Variants in RSU1 observed in about 807,000 individuals in gnomAD.
RSU1 encodes Ras suppressor protein 1.
A neutral mutation model predicts 31.1 loss-of-function variants in RSU1; 26 were observed. The observed-to-expected ratio is 0.84, with a 90% CI of 0.61 to 1.16. The LOEUF (loss-of-function observed/expected upper bound fraction) is 1.16. Among genes scored for constraint, RSU1 ranks in the 50% most tolerant of loss-of-function variants. The probability of loss-of-function intolerance (pLI) is 0.00; values close to 1 mark genes in which losing one functional copy is unlikely to be tolerated. For synonymous variants in RSU1, 164 were observed against 136.3 expected, an observed-to-expected ratio of 1.20 and a Z score of -1.41; for missense variants, 320 against 339.1, an observed-to-expected ratio of 0.94 and a Z score of 0.44.
intron 7 of RSU1, among the ~76,000 whole-genome samples, chr10:16,696,549 G>A (rs946223999): frequency 4.6e-5 from 7 of 152,106 alleles, no homozygotes; most frequent in African/African-American, 1.2e-4. Flanking sequence ...TAAATATCAA[G>A]AGAGAGTAAT....
At chr10:16,816,228 T>C (rs1254573931) in intron 2 of RSU1, among the ~76,000 whole-genome samples, 2 of 152,100 alleles carry the variant, frequency 1.3e-5, no homozygotes, top group African/African-American at 4.8e-5. Flanking sequence ...TGGGCCAACA[T>C]TCCTATGGTG....
intron 8 of RSU1, among the ~76,000 whole-genome samples, chr10:16,600,145 G>A (rs1027427733): frequency 6.6e-6 from 1 of 152,140 alleles, no homozygotes; most frequent in African/African-American, 2.4e-5. Context: ...CACTGAAGAT[G>A]GTTTCAAAGA....
intron 7 of RSU1, among the ~76,000 whole-genome samples, chr10:16,743,271 A>C (rs1836786785): frequency 6.6e-6 from 1 of 152,184 alleles, no homozygotes; most frequent in Non-Finnish European, 1.5e-5. Context: ...TGGGTATACC[A>C]TTGGGAGGAA....
chr10:16,622,525 A>C (rs1465066416), intron 8 of RSU1, among the ~76,000 whole-genome samples: 1 of 152,228 alleles, frequency 6.6e-6, no homozygotes, highest in African/African-American at 2.4e-5. Context: ...AAAAGGCTAT[A>C]AACTAGGGCT....
At chr10:16,692,850 G>GT (rs1835588606) in intron 8 of RSU1, among the ~76,000 whole-genome samples, 1 of 152,124 alleles carries the variant, frequency 6.6e-6, no homozygotes, top group African/African-American at 2.4e-5. Flanking sequence ...GACTTATACT[G>GT]TAAGTGTCAT....
At chr10:16,714,567 T>G (rs947989178) in intron 7 of RSU1, among the ~76,000 whole-genome samples, 2 of 151,940 alleles carry the variant, frequency 1.3e-5, no homozygotes, top group African/African-American at 4.8e-5. Flanking sequence ...GACTGTTCAG[T>G]GACTTCAGCA....
intron 8 of RSU1, among the ~76,000 whole-genome samples, chr10:16,631,572 C>A (rs889312945): frequency 6.6e-6 from 1 of 152,240 alleles, no homozygotes; most frequent in Non-Finnish European, 1.5e-5. Flanking sequence ...TTAACAAAAA[C>A]TCCCTCATTT....
intron 8 of RSU1, among the ~76,000 whole-genome samples, chr10:16,602,012 T>G (rs762622435): frequency 2.8e-4 from 42 of 152,358 alleles, no homozygotes; most frequent in Admixed American, 3.9e-4. Context: ...AGGCCTGAGA[T>G]AAGCCTTTCC....
rs1334767504 is a variant in RSU1, at chr10:16,752,580, T to G, written c.557A>C (p.His186Pro). 6.2e-7 allele frequency: 1 copy of G among 1,614,158 alleles called. No individual in the cohort carries two copies. Among genetic ancestry groups the G allele is most frequent in the Admixed American group, 1.7e-5 (1 of 60,026 alleles). ...AACGGTGAGGCGGTTCCCCTGAATG[T>G]GGAGCTCTTTAAGCTGGGTAAGCTC... ...IGELTQLKEL[H>P]IQGNRLTVLP... Residue 186 changes from histidine to proline, a missense_variant, in exon 7 of 9, where the codon CAC (histidine) becomes CCC (proline). Physicochemically the swap from His to Pro is moderately conservative, Grantham distance 77. Transcript: ENST00000345264.
At chr10:16,738,087 A>G (rs1250296502) in intron 7 of RSU1, among the ~76,000 whole-genome samples, 2 of 152,242 alleles carry the variant, frequency 1.3e-5, no homozygotes, top group African/African-American at 4.8e-5. Context: ...ATGATAATGA[A>G]ATTACAGAAT....
At chr10:16,760,966 G>C (rs1837201294) in intron 4 of RSU1, among the ~76,000 whole-genome samples, 1 of 152,118 alleles carries the variant, frequency 6.6e-6, no homozygotes, top group South Asian at 2.1e-4. Flanking sequence ...TTTTGAGATG[G>C]AGTCTCACTC....
At chr10:16,694,254 C>T (rs561008708) in intron 8 of RSU1, among the ~76,000 whole-genome samples, 1 of 152,182 alleles carries the variant, frequency 6.6e-6, no homozygotes, top group East Asian at 1.9e-4. Flanking sequence ...CGCTTCCTCT[C>T]CTGCCTTCCC....
At chr10:16,760,021 G>C (rs991612247) in intron 4 of RSU1, among the ~76,000 whole-genome samples, 6 of 152,160 alleles carry the variant, frequency 3.9e-5, no homozygotes, top group African/African-American at 1.4e-4. Flanking sequence ...TTTGAGGACA[G>C]AGTATCCTTT....
chr10:16,801,099 A>ATTT, intron 2 of RSU1, among the ~76,000 whole-genome samples: 1 of 135,246 alleles, frequency 7.4e-6, no homozygotes, highest in African/African-American at 2.6e-5. Flanking sequence ...CTTTTTTTTA[A>ATTT]AAAAAAAAAC....
intron 8 of RSU1, among the ~76,000 whole-genome samples, chr10:16,597,474 ACT>A (rs1466158463): frequency 6.6e-6 from 1 of 151,856 alleles, no homozygotes; most frequent in Non-Finnish European, 1.5e-5. Flanking sequence ...TTAGCTGATG[ACT>A]CTGGGCAAAT....
intron 8 of RSU1, among the ~76,000 whole-genome samples, chr10:16,620,081 G>C (rs879921444): frequency 6.6e-6 from 1 of 152,044 alleles, no homozygotes; most frequent in Non-Finnish European, 1.5e-5. Flanking sequence ...GCTCTGTTTT[G>C]GGGGAAACTG....
chr10:16,740,595 CAATGAG>C (rs1836729793), intron 7 of RSU1, among the ~76,000 whole-genome samples: 1 of 152,124 alleles, frequency 6.6e-6, no homozygotes, highest in South Asian at 2.1e-4. Context: ...CACTAAAAAA[CAATGAG>C]AATAACTGAG....
At chr10:16,705,018 A>G (rs994628886) in intron 7 of RSU1, among the ~76,000 whole-genome samples, 2 of 152,160 alleles carry the variant, frequency 1.3e-5, no homozygotes, top group Admixed American at 6.5e-5. Context: ...CCATGCAACA[A>G]TAACTCCCCA....
At chr10:16,683,463 T>C (rs936902164) in intron 8 of RSU1, among the ~76,000 whole-genome samples, 3 of 152,190 alleles carry the variant, frequency 2.0e-5, no homozygotes, top group African/African-American at 7.2e-5. Context: ...AATTTGTAAA[T>C]CATCTCATTG....
Sources: allele counts gnomAD v4.1 joint callset (sites outside exome capture counted in the v4.1 genomes callset), GRCh38; gene constraint gnomAD v4.1.1; transcripts MANE v1.5; gene names NCBI Gene and HGNC (gene_info 2026-07-23, HGNC 2026-07-21).